CNIH3: variants seen among roughly 807,000 people sequenced by gnomAD.
CNIH3 encodes protein cornichon homolog 3.
A neutral mutation model predicts 24.1 loss-of-function variants in CNIH3; 14 were observed. The ratio of observed to expected loss-of-function variants is 0.58; its 90% CI spans 0.38 to 0.91. The LOEUF is 0.91. Among genes scored for constraint, CNIH3 ranks in the 40% least tolerant of loss-of-function variants. The pLI, the probability that CNIH3 is intolerant of heterozygous loss-of-function variation, is 0.00. For synonymous variants in CNIH3, 68 were observed against 73.8 expected (o/e 0.92, Z 0.40); for missense variants, 178 against 196.8 (o/e 0.90, Z 0.57).
chr1:224,528,374 G>T (rs982191053), intron 2 of CNIH3, among the ~76,000 whole-genome samples: 1 of 152,196 alleles, frequency 6.6e-6, no homozygotes, highest in East Asian at 1.9e-4. Context: ...AGGTTGGAGT[G>T]CAGTGGTGTG....
intron 3 of CNIH3, among the ~76,000 whole-genome samples, chr1:224,685,129 A>G (rs928628661): frequency 7.2e-5 from 11 of 152,296 alleles, no homozygotes; most frequent in Admixed American, 7.2e-4. Context: ...TTGCATGATG[A>G]TGGATGGCAT....
At chr1:224,555,011 C>G (rs1680078716) in intron 3 of CNIH3, among the ~76,000 whole-genome samples, 1 of 152,096 alleles carries the variant, frequency 6.6e-6, no homozygotes, top group Non-Finnish European at 1.5e-5. Flanking sequence ...ATATCAGGGA[C>G]TTGAGCATCC....
intron 1 of CNIH3, among the ~76,000 whole-genome samples, chr1:224,448,093 C>T (rs1407328418): frequency 6.6e-6 from 1 of 152,068 alleles, no homozygotes; most frequent in Non-Finnish European, 1.5e-5. Context: ...TAAACTCAGC[C>T]AGGCATGGTG....
chr1:224,455,114 G>A (rs1572273748), intron 1 of CNIH3, among the ~76,000 whole-genome samples: 1 of 152,092 alleles, frequency 6.6e-6, no homozygotes, highest in African/African-American at 2.4e-5. Context: ...CTACAGTTGG[G>A]CAAAATCATC....
chr1:224,504,820 T>C (rs917609856), intron 1 of CNIH3, among the ~76,000 whole-genome samples: 6 of 152,174 alleles, frequency 3.9e-5, no homozygotes, highest in African/African-American at 1.4e-4. Context: ...GCAATAGCTA[T>C]CTCATCAGGC....
At chr1:224,527,074 C>T (rs752452213) in intron 2 of CNIH3, among the ~76,000 whole-genome samples, 45 of 152,144 alleles carry the variant, frequency 3.0e-4, no homozygotes, top group Middle Eastern at 3.4e-3. Context: ...TACAAATATC[C>T]GACAATGTCA....
intron 1 of CNIH3, among the ~76,000 whole-genome samples, chr1:224,619,462 C>T (rs1169325157): frequency 3.9e-5 from 6 of 152,266 alleles, no homozygotes; most frequent in African/African-American, 7.2e-5. Flanking sequence ...TTTCAAATTA[C>T]GGTAATAATT....
At chr1:224,661,344 C>T in intron 1 of CNIH3, 1 of 285,560 alleles carries the variant, frequency 3.5e-6, no homozygotes, top group Non-Finnish European at 7.2e-6. Context: ...AGTTGCCCAT[C>T]CCACTACCAC....
At chr1:224,546,267 T>C (rs1679700803) in intron 2 of CNIH3, among the ~76,000 whole-genome samples, 1 of 152,154 alleles carries the variant, frequency 6.6e-6, no homozygotes, top group South Asian at 2.1e-4. Context: ...ATATATGAAG[T>C]TATATCTCCC....
intron 1 of CNIH3, among the ~76,000 whole-genome samples, chr1:224,675,822 C>A (rs540280902): frequency 7.9e-5 from 12 of 152,288 alleles, no homozygotes; most frequent in African/African-American, 2.9e-4. Flanking sequence ...AGGCAAAAAA[C>A]CCCCCAAAAC....
chr1:224,565,106 C>G (rs1680527246), intron 3 of CNIH3, among the ~76,000 whole-genome samples: 1 of 152,186 alleles, frequency 6.6e-6, no homozygotes, highest in South Asian at 2.1e-4. Flanking sequence ...AAACTGGTCC[C>G]CATTCCCCCA....
intron 1 of CNIH3, among the ~76,000 whole-genome samples, chr1:224,621,578 C>T (rs1163726387): frequency 6.6e-6 from 1 of 152,180 alleles, no homozygotes; most frequent in African/African-American, 2.4e-5. Context: ...TCCGCAGCTC[C>T]AGCCTGCTCC....
chr1:224,734,685 C>T lies in CNIH3; in HGVS notation c.434C>T (p.Ser145Phe). Reference sequence around the variant, plus strand: ...TGTAAGCTGGCCTTCTATCTCCTCTCCTTCTTCTACTACCTTTACTGGTGA... The same window carrying T: ...TGTAAGCTGGCCTTCTATCTCCTCTTCTTCTTCTACTACCTTTACTGGTGA... ...AWCKLAFYLL[S>F]FFYYLYCMIY... is the part of the protein sequence containing the mutation. The change falls in exon 5 of 6, where the codon TCC becomes TTC. Residue 145 changes from serine to phenylalanine, a missense_variant. Coordinates refer to ENST00000272133, the MANE Select transcript of CNIH3 (RefSeq NM_152495.2). 6.2e-7 allele frequency: 1 copy of T among 1,614,204 alleles called. No homozygotes were observed. The highest frequency in any genetic ancestry group is 8.5e-7 in the Non-Finnish European group (1 of 1,180,020).
intron 3 of CNIH3, among the ~76,000 whole-genome samples, chr1:224,563,951 G>A (rs1399954991): frequency 6.6e-6 from 1 of 152,176 alleles, no homozygotes; most frequent in East Asian, 1.9e-4. Flanking sequence ...TCCCCACAGA[G>A]AGGACAGAAT....
intron 1 of CNIH3, among the ~76,000 whole-genome samples, 182 bp from the exon 2 acceptor site, chr1:224,680,776 G>T (rs542607627): frequency 3.9e-5 from 6 of 152,162 alleles, no homozygotes; most frequent in Non-Finnish European, 8.8e-5. Context: ...GTAGACAGAA[G>T]AATATAATCA....
chr1:224,706,958 C>CTTTTTTTTTTT (rs71170031), intron 3 of CNIH3, among the ~76,000 whole-genome samples: 2 of 82,124 alleles, frequency 2.4e-5, no homozygotes, highest in Admixed American at 1.7e-4. Flanking sequence ...TCCTTTCTTT[C>CTTTTTTTTTTT]TTTTTTTTTT....
intron 3 of CNIH3, among the ~76,000 whole-genome samples, chr1:224,559,870 C>T (rs1680291643): frequency 6.6e-6 from 1 of 152,130 alleles, no homozygotes; most frequent in Admixed American, 6.5e-5. Context: ...CTAAAGGTAA[C>T]CACTATCCTG....
rs528906687 is a variant in CNIH3 at position 224,525,191 on chromosome 1, C to G, written n.343+3864C>G. Among the ~76,000 whole-genome samples the G allele has an allele frequency of 5.9e-5, 9 of 152,310 alleles. No homozygotes were observed. In the South Asian group the frequency reaches 1.5e-3, roughly 25 times the overall value. The stretch of plus-strand genomic sequence containing the variant: ...ACATGAGTTGGGTTTCTGAAACTTT[C>G]AACTGAGAATCTTATAATTGCGACC... On this transcript the variant is annotated intron_variant and non_coding_transcript_variant, in intron 2 of 2. Coordinates refer to the CNIH3 transcript ENST00000470602.
At chr1:224,484,894 G>A (rs912552395) in intron 1 of CNIH3, among the ~76,000 whole-genome samples, 16 of 152,174 alleles carry the variant, frequency 1.1e-4, no homozygotes, top group South Asian at 8.3e-4. Context: ...TAATATAGTT[G>A]TAATGATTAT....
Sources: gnomAD v4.1 joint callset for allele counts (sites outside exome capture counted in the v4.1 genomes callset) on GRCh38, gnomAD v4.1.1 for gene constraint, MANE v1.5 for transcripts, NCBI Gene and HGNC (gene_info 2026-07-23, HGNC 2026-07-21) for gene names.